ATL2: variants seen among roughly 807,000 people sequenced by gnomAD.
The protein encoded by ATL2 is atlastin-2.
ATL2 carries 31 observed loss-of-function variants against 73.9 expected under a neutral mutation model. That is an observed-to-expected ratio of 0.42 (90% CI 0.32 to 0.57). The LOEUF (loss-of-function observed/expected upper bound fraction) is 0.57. Among genes scored for constraint, ATL2 ranks in the 20% least tolerant of loss-of-function variants. ATL2 has a pLI of 0.14. For missense variants in ATL2, 738 were observed against 702.6 expected, an observed-to-expected ratio of 1.05 and a Z score of -0.57; for synonymous variants, 291 against 237.5, an observed-to-expected ratio of 1.23 and a Z score of -2.07.
rs1666803231 is a variant in ATL2 at position 38,294,814 on chromosome 2, T to C, written c.*1180A>G. The C allele has an allele frequency of 6.6e-6, 1 of 152,172 alleles. No homozygotes were observed. 9.4% of individuals were successfully genotyped at this position (152,172 alleles called of 1,614,324 possible). ...TGTTTCCTGCTCATGCTCTTTTCAC[T>C]ATAAACAAATGTGGTTTATGAAGTG... On this transcript the variant is annotated 3_prime_UTR_variant, in exon 13 of 13. Coordinates refer to ENST00000378954, the MANE Select transcript of ATL2 (RefSeq NM_001135673.4).
intron 2 of ATL2, among the ~76,000 whole-genome samples, chr2:38,325,402 A>G (rs1668541394): frequency 6.6e-6 from 1 of 152,112 alleles, no homozygotes; most frequent in Non-Finnish European, 1.5e-5. Context: ...GGCAATTTCA[A>G]TGAATTGTCA....
At chr2:38,343,646 T>C (rs1669858986) in intron 1 of ATL2, 134 bp from the exon 2 acceptor site, 2 of 798,870 alleles carry the variant, frequency 2.5e-6, no homozygotes, top group East Asian at 2.8e-5. Flanking sequence ...TAATGTTCCT[T>C]TGGATTTCTC....
chr2:38,377,646 C>T (rs1672070643), upstream of ATL2, among the ~76,000 whole-genome samples: 2 of 152,188 alleles, frequency 1.3e-5, no homozygotes, highest in Admixed American at 1.3e-4. Context: ...AACTAAGTCC[C>T]TCCCTCCCAA....
At chr2:38,377,333 G>T (rs1009586383), upstream of ATL2, 8 of 1,370,258 alleles carry the variant, frequency 5.8e-6, no homozygotes, top group Non-Finnish European at 2.0e-6. Flanking sequence ...CCCGGGAGCC[G>T]GCGGGGTGGC....
chr2:38,321,429 T>C (rs1047709792), intron 2 of ATL2, among the ~76,000 whole-genome samples: 1 of 152,154 alleles, frequency 6.6e-6, no homozygotes, highest in Admixed American at 6.5e-5. Context: ...GTATATATGA[T>C]GGACTTGTGT....
intron 1 of ATL2, among the ~76,000 whole-genome samples, chr2:38,351,719 C>T (rs1160663620): frequency 6.6e-6 from 1 of 151,978 alleles, no homozygotes; most frequent in Non-Finnish European, 1.5e-5. Context: ...TCTCAGACTG[C>T]TGACCTCAGG....
intron 2 of ATL2, among the ~76,000 whole-genome samples, chr2:38,333,059 C>T (rs1457854693): frequency 6.6e-6 from 1 of 151,964 alleles, no homozygotes; most frequent in African/African-American, 2.4e-5. Flanking sequence ...AAAAGAAATT[C>T]TGAACTAAAA....
intron 1 of ATL2, among the ~76,000 whole-genome samples, chr2:38,363,026 G>C (rs913677646): frequency 6.6e-6 from 1 of 152,190 alleles, no homozygotes; most frequent in Non-Finnish European, 1.5e-5. Context: ...TACTACAGAA[G>C]AGTGAAAAAC....
In ATL2 at chr2:38,294,129, G is replaced by A. The variant is rs1666755223; in HGVS notation, c.*1865C>T. On this transcript the variant is annotated 3_prime_UTR_variant, in exon 13 of 13. Transcript: ENST00000378954. ...ACAGATAAGTTAGCAATTTAATACA[G>A]ATGAAAACAAATACAATCCATATAA... Among the ~76,000 whole-genome samples, 1 of 152,202 alleles carries A rather than the reference G, an allele frequency of 6.6e-6. No homozygotes were observed. Among genetic ancestry groups the A allele is most frequent in the South Asian group, 2.1e-4 (1 of 4,832 alleles).
intron 2 of ATL2, among the ~76,000 whole-genome samples, chr2:38,325,683 C>CAGT (rs1668585050): frequency 1.3e-5 from 1 of 76,848 alleles, no homozygotes; most frequent in Non-Finnish European, 2.1e-5. Context: ...CACACACACA[C>CAGT]ACACACACAC....
intron 4 of ATL2, among the ~76,000 whole-genome samples, chr2:38,317,693 G>T (rs778749353): frequency 6.6e-6 from 1 of 151,632 alleles, no homozygotes; most frequent in Non-Finnish European, 1.5e-5. Context: ...AATTACCTGG[G>T]TTTTTTGTTT....
At chr2:38,325,648 ACACACAC>A (rs1668567141) in intron 2 of ATL2, among the ~76,000 whole-genome samples, 2 of 82,268 alleles carry the variant, frequency 2.4e-5, no homozygotes, top group African/African-American at 6.1e-5. Context: ...ACACACACAC[ACACACAC>A]ACCAGTACAC....
At chr2:38,328,913 T>A (rs1023055029) in intron 2 of ATL2, among the ~76,000 whole-genome samples, 4 of 128,434 alleles carry the variant, frequency 3.1e-5, no homozygotes, top group Non-Finnish European at 4.8e-5. Context: ...AAGATCAATA[T>A]AATTAACTGA....
At chr2:38,298,857 T>G (rs1438726942) in intron 11 of ATL2, among the ~76,000 whole-genome samples, 1 of 152,292 alleles carries the variant, frequency 6.6e-6, no homozygotes, top group East Asian at 1.9e-4. Flanking sequence ...TATACCATAA[T>G]AGCACACAAA....
intron 9 of ATL2, among the ~76,000 whole-genome samples, chr2:38,301,317 C>A (rs1667179561): frequency 1.3e-5 from 2 of 152,142 alleles, no homozygotes; most frequent in Admixed American, 1.3e-4. Context: ...GGGAAGGAGG[C>A]AGAGCAAGAT....
At chr2:38,354,402 A>G (rs17038920) in intron 1 of ATL2, among the ~76,000 whole-genome samples, 2,545 of 152,316 alleles carry the variant, frequency 0.017, 68 homozygotes, top group African/African-American at 0.058. Flanking sequence ...GGGTTTATAA[A>G]GTATGTAGAA....
intron 7 of ATL2, 51 bp downstream of exon 7, chr2:38,313,100 G>GT (rs1311059616): frequency 1.5e-5 from 20 of 1,362,492 alleles, no homozygotes; most frequent in Admixed American, 3.7e-5. Context: ...CAGCCCACCC[G>GT]TTTGCCTAGC....
intron 1 of ATL2, among the ~76,000 whole-genome samples, chr2:38,350,039 A>T (rs1006316618): frequency 6.6e-6 from 1 of 152,226 alleles, no homozygotes; most frequent in African/African-American, 2.4e-5. Flanking sequence ...AATTGTATGT[A>T]AATTTCATTA....
chr2:38,333,802 A>G (rs532253958), intron 2 of ATL2, among the ~76,000 whole-genome samples: 11 of 152,320 alleles, frequency 7.2e-5, no homozygotes, highest in Admixed American at 1.3e-4. Flanking sequence ...AAAATGCTGC[A>G]ATAAGGACTT....
Sources: allele counts gnomAD v4.1 joint callset (sites outside exome capture counted in the v4.1 genomes callset), GRCh38; gene constraint gnomAD v4.1.1; transcripts MANE v1.5; gene names NCBI Gene and HGNC (gene_info 2026-07-23, HGNC 2026-07-21).